SPIN1: variants seen among roughly 807,000 people sequenced by gnomAD.
The protein encoded by SPIN1 is spindlin 1.
Under a neutral mutation model 26.0 loss-of-function variants are expected in SPIN1, and 3 were observed. That is an observed-to-expected ratio of 0.12 (90% CI 0.05 to 0.30). The LOEUF (loss-of-function observed/expected upper bound fraction) is 0.30, where lower values mean the gene tolerates loss of function less well. Among genes scored for constraint, SPIN1 ranks in the 10% least tolerant of loss-of-function variants. The pLI is 1.00. For synonymous variants in SPIN1, 101 were observed against 116.5 expected (o/e 0.87, Z 0.86); for missense variants, 126 against 333.4 (o/e 0.38, Z 4.84).
At chr9:88,450,416 A>G (rs1029358142) in intron 3 of SPIN1, among the ~76,000 whole-genome samples, 3 of 152,346 alleles carry the variant, frequency 2.0e-5, no homozygotes, top group African/African-American at 7.2e-5. Context: ...CGTATTTTCT[A>G]ATCATCTATG....
intron 1 of SPIN1, among the ~76,000 whole-genome samples, chr9:88,416,399 C>T (rs1392952998): frequency 6.6e-6 from 1 of 152,130 alleles, no homozygotes; most frequent in Non-Finnish European, 1.5e-5. Context: ...GATCATAGCT[C>T]TCTGCAGCAT....
At chr9:88,400,877 G>C (rs1259593746) in intron 1 of SPIN1, among the ~76,000 whole-genome samples, 2 of 151,898 alleles carry the variant, frequency 1.3e-5, no homozygotes, top group African/African-American at 4.8e-5. Context: ...GCCGGGTGTG[G>C]TGGCTTGTGC....
At chr9:88,457,945 A>G (rs531560118) in intron 3 of SPIN1, 7 of 985,234 alleles carry the variant, frequency 7.1e-6, no homozygotes, top group African/African-American at 3.5e-5. Flanking sequence ...CATTTCAGCA[A>G]TGCAGTAGAA....
At chr9:88,468,140 A>G (rs1037779063) in intron 4 of SPIN1, among the ~76,000 whole-genome samples, 7 of 152,164 alleles carry the variant, frequency 4.6e-5, no homozygotes, top group Admixed American at 4.6e-4. Flanking sequence ...ATTTTTTTCA[A>G]TTAACTGACT....
chr9:88,410,904 C>A, intron 1 of SPIN1: 1 of 994,084 alleles, frequency 1.0e-6, no homozygotes, highest in Non-Finnish European at 1.6e-6. Context: ...GAAGCACTAG[C>A]CATCTCTTGC....
At chr9:88,455,348 C>T (rs1266406061) in intron 3 of SPIN1, among the ~76,000 whole-genome samples, 7 of 152,068 alleles carry the variant, frequency 4.6e-5, no homozygotes, top group African/African-American at 7.2e-5. Context: ...CCCAGCTACT[C>T]GGGAGGCTGA....
chr9:88,464,976 C>T (rs954026630), intron 4 of SPIN1, among the ~76,000 whole-genome samples: 3 of 152,182 alleles, frequency 2.0e-5, no homozygotes, highest in African/African-American at 7.2e-5. Flanking sequence ...TTTGACTATT[C>T]TAGATATCTC....
chr9:88,443,403 T>G (rs1828180643), intron 2 of SPIN1, among the ~76,000 whole-genome samples: 1 of 152,242 alleles, frequency 6.6e-6, no homozygotes, highest in Non-Finnish European at 1.5e-5. Context: ...TCTGTAGCTT[T>G]TTTTGATTGT....
At chr9:88,452,282 G>A (rs911476495) in intron 3 of SPIN1, among the ~76,000 whole-genome samples, 5 of 152,148 alleles carry the variant, frequency 3.3e-5, no homozygotes, top group African/African-American at 1.2e-4. Context: ...CTTGTCCAAG[G>A]TCATCCAGCT....
chr9:88,449,211 C>T (rs966931786), intron 3 of SPIN1, among the ~76,000 whole-genome samples: 3 of 151,894 alleles, frequency 2.0e-5, no homozygotes, highest in Admixed American at 2.0e-4. Flanking sequence ...CCTTTAAAAG[C>T]CTTTGGGAAC....
chr9:88,467,258 A>T (rs752191217), intron 4 of SPIN1, among the ~76,000 whole-genome samples: 2 of 152,158 alleles, frequency 1.3e-5, no homozygotes, highest in African/African-American at 4.8e-5. Flanking sequence ...TGAGCTCCCA[A>T]CCACATGGGG....
intron 1 of SPIN1, among the ~76,000 whole-genome samples, chr9:88,404,317 T>G (rs889156928): frequency 1.3e-5 from 2 of 152,048 alleles, no homozygotes; most frequent in African/African-American, 4.8e-5. Flanking sequence ...TATAGAAAAA[T>G]TTTTCTTCAA....
intron 1 of SPIN1, among the ~76,000 whole-genome samples, chr9:88,402,972 G>C (rs1235480365): frequency 3.9e-5 from 6 of 152,066 alleles, no homozygotes; most frequent in African/African-American, 1.4e-4. Flanking sequence ...TCTGTTGTTT[G>C]TGTTTTTAAT....
intron 3 of SPIN1, among the ~76,000 whole-genome samples, chr9:88,456,957 AT>A (rs1468924987): frequency 2.0e-5 from 3 of 152,192 alleles, no homozygotes; most frequent in Non-Finnish European, 4.4e-5. Flanking sequence ...CATTAAAAAT[AT>A]TATGCAAGAT....
Position 88,475,351 on chromosome 9 carries a change from T to C in SPIN1, c.*74T>C. 1 of 1,484,892 alleles carries C rather than the reference T, an allele frequency of 6.7e-7. No individual in the cohort carries two copies. The highest frequency in any genetic ancestry group is 9.2e-7 in the Non-Finnish European group (1 of 1,084,726). 92.0% of individuals were successfully genotyped at this position (1,484,892 alleles called of 1,614,324 possible). A position where few individuals can be genotyped will look rare whatever the true frequency, so the allele number is the denominator to read the frequency against. On this transcript the variant is annotated 3_prime_UTR_variant, in exon 6 of 6. Coordinates refer to ENST00000375859, the MANE Select transcript of SPIN1 (RefSeq NM_006717.3). ...TTGTAGACATAAAGACTTGATTGCT[T>C]TCCAGTTTAATGAAAGCTTAAATGT...
chr9:88,396,799 A>G (rs1827070986), intron 1 of SPIN1, among the ~76,000 whole-genome samples: 1 of 152,112 alleles, frequency 6.6e-6, no homozygotes, highest in Admixed American at 6.6e-5. Flanking sequence ...CCTACTAGGC[A>G]CCTAGGCTAT....
intron 4 of SPIN1, among the ~76,000 whole-genome samples, chr9:88,467,650 G>A (rs1828696720): frequency 1.3e-5 from 2 of 152,116 alleles, no homozygotes; most frequent in Non-Finnish European, 2.9e-5. Context: ...TGGGGGCTAT[G>A]GTGAGCAGTT....
At chr9:88,460,440 C>T (rs747314819) in intron 3 of SPIN1, among the ~76,000 whole-genome samples, 7 of 152,160 alleles carry the variant, frequency 4.6e-5, no homozygotes, top group Middle Eastern at 6.8e-3. Context: ...CATGTTCTTA[C>T]GTTAGGGTTC....
intron 5 of SPIN1, among the ~76,000 whole-genome samples, chr9:88,472,763 A>G (rs886473214): frequency 1.2e-4 from 19 of 152,366 alleles, no homozygotes; most frequent in Middle Eastern, 3.4e-3. Flanking sequence ...TGCTGGGATT[A>G]AAGGCGTGAG....
Sources: gnomAD v4.1 joint callset for allele counts (sites outside exome capture counted in the v4.1 genomes callset) on GRCh38, gnomAD v4.1.1 for gene constraint, MANE v1.5 for transcripts, NCBI Gene and HGNC (gene_info 2026-07-23, HGNC 2026-07-21) for gene names.